Variants in LTBP1 observed in about 807,000 individuals in gnomAD.
The protein encoded by LTBP1 is latent-transforming growth factor beta-binding protein 1.
Under a neutral mutation model 207.6 loss-of-function variants are expected in LTBP1, and 129 were observed. The ratio of observed to expected loss-of-function variants is 0.62; its 90% CI spans 0.54 to 0.72. The LOEUF (loss-of-function observed/expected upper bound fraction) is 0.72. LTBP1 is among the 30% of genes least tolerant of loss of function. The pLI, the probability that LTBP1 is intolerant of heterozygous loss-of-function variation, is 0.00. For synonymous variants in LTBP1, 963 were observed against 833.7 expected (o/e 1.16, Z -2.67); for missense variants, 2,281 against 2,217.2 (o/e 1.03, Z -0.58).
Position 32,989,533 on chromosome 2 carries a change from G to A in LTBP1, c.566-31376G>A, listed in dbSNP as rs188676979. On this transcript the variant is annotated intron_variant, in intron 2 of 33. Coordinates refer to ENST00000404816, the MANE Select transcript of LTBP1 (RefSeq NM_206943.4). ...TCCAGTATATGCTTTACTCTGACCC[G>A]TGGATCAAATTCTACTTGGAATAGC... 3.3e-5 allele frequency among the ~76,000 whole-genome samples: 5 copies of A among 152,254 alleles called. No homozygotes were observed. The East Asian group carries it at 7.7e-4, about 24-fold the overall frequency.
chr2:33,331,171 G>T (rs1160186082), intron 24 of LTBP1, among the ~76,000 whole-genome samples: 1 of 151,578 alleles, frequency 6.6e-6, no homozygotes, highest in Non-Finnish European at 1.5e-5. Context: ...TCATTTCAAA[G>T]AAACAACTTA....
intron 5 of LTBP1, among the ~76,000 whole-genome samples, chr2:33,171,323 G>A (rs2085424373): frequency 2.9e-5 from 4 of 137,782 alleles, no homozygotes; most frequent in Admixed American, 1.5e-4. Context: ...AGGAGCTGAT[G>A]GAGCTGAAAG....
At chr2:33,012,624 A>G (rs2149115240) in intron 2 of LTBP1, among the ~76,000 whole-genome samples, 1 of 152,346 alleles carries the variant, frequency 6.6e-6, no homozygotes, top group African/African-American at 2.4e-5. Flanking sequence ...AGAGCAAGAA[A>G]TTTGTCTCCA....
In LTBP1 at chr2:33,242,079, T is replaced by A. The variant is rs114608286; in HGVS notation, c.1877-1583T>A. Reference sequence around the variant, plus strand: ...CATTTGAATGTCACGGAAGGTATCATATTTTATCACTGAAATTAACTTAAA... The same window carrying A: ...CATTTGAATGTCACGGAAGGTATCAAATTTTATCACTGAAATTAACTTAAA... On this transcript the variant is annotated intron_variant, in intron 9 of 33. Coordinates refer to ENST00000404816, the MANE Select transcript of LTBP1 (RefSeq NM_206943.4). Among the ~76,000 whole-genome samples the A allele has an allele frequency of 5.8e-3, 882 of 152,348 alleles. 11 individuals carry two copies. Among genetic ancestry groups the A allele is most frequent in the African/African-American group, 0.02 (849 of 41,586 alleles).
intron 15 of LTBP1, among the ~76,000 whole-genome samples, chr2:33,265,881 T>G (rs114313548): frequency 0.024 from 3,720 of 152,332 alleles, 73 homozygotes; most frequent in Non-Finnish European, 0.038. Context: ...AGGAGCTAAA[T>G]GGAAGAGTTT....
chr2:33,213,470 ACAGT>A (rs1158576012), intron 7 of LTBP1, among the ~76,000 whole-genome samples: 3 of 152,216 alleles, frequency 2.0e-5, no homozygotes, highest in Non-Finnish European at 4.4e-5. Context: ...GCAGAACCTA[ACAGT>A]CATAGACAAG....
intron 3 of LTBP1, among the ~76,000 whole-genome samples, chr2:33,039,540 T>C (rs2076084618): frequency 6.6e-6 from 1 of 152,224 alleles, no homozygotes; most frequent in Admixed American, 6.5e-5. Flanking sequence ...CTGCAGGGCA[T>C]TGCCAAATAT....
intron 3 of LTBP1, among the ~76,000 whole-genome samples, chr2:33,097,853 G>A (rs2079478831): frequency 6.6e-6 from 1 of 152,096 alleles, no homozygotes; most frequent in Non-Finnish European, 1.5e-5. Flanking sequence ...TTTATTGAAT[G>A]AATCTTCTGT....
chr2:33,102,403 C>T (rs1164830851), intron 3 of LTBP1, among the ~76,000 whole-genome samples: 1 of 151,960 alleles, frequency 6.6e-6, no homozygotes, highest in Non-Finnish European at 1.5e-5. Flanking sequence ...GCCAAGTGTC[C>T]CTGAGAAGCA....
intron 32 of LTBP1, among the ~76,000 whole-genome samples, chr2:33,392,059 A>C (rs1159167011): frequency 6.6e-6 from 1 of 152,188 alleles, no homozygotes; most frequent in African/African-American, 2.4e-5. Flanking sequence ...AGGCTGAGTG[A>C]GGTTTCTTAT....
intron 23 of LTBP1, among the ~76,000 whole-genome samples, chr2:33,313,516 C>G (rs1365234331): frequency 6.6e-6 from 1 of 152,174 alleles, no homozygotes; most frequent in African/African-American, 2.4e-5. Flanking sequence ...TACCTTTTCC[C>G]TGTCCTTATT....
In LTBP1 at chr2:33,286,862, A is replaced by G. The variant is rs557912670; in HGVS notation, c.3113-6298A>G. ...AACCAAACACCGCATGTTCTCACTC[A>G]TAGGTGGGAATTGAACAATGAGAAC... On this transcript the variant is annotated intron_variant, in intron 19 of 33. Transcript: ENST00000404816. Among the ~76,000 whole-genome samples the G allele has an allele frequency of 5.3e-5, 8 of 152,322 alleles. No individual in the cohort carries two copies. In the East Asian group the frequency reaches 1.5e-3, roughly 29 times the overall value.
intron 23 of LTBP1, among the ~76,000 whole-genome samples, chr2:33,310,544 A>G (rs1222777623): frequency 6.6e-6 from 1 of 152,200 alleles, no homozygotes; most frequent in Non-Finnish European, 1.5e-5. Flanking sequence ...TGAGTAACTG[A>G]GGCTCCGAGA....
chr2:33,337,268 T>G (rs893088439), intron 24 of LTBP1, among the ~76,000 whole-genome samples: 2 of 152,168 alleles, frequency 1.3e-5, no homozygotes, highest in African/African-American at 4.8e-5. Context: ...AGAAAATGTC[T>G]TAAGTAAAAA....
At chr2:33,074,386 C>G (rs1303418075) in intron 3 of LTBP1, among the ~76,000 whole-genome samples, 1 of 151,766 alleles carries the variant, frequency 6.6e-6, no homozygotes, top group Non-Finnish European at 1.5e-5. Context: ...GTTACTTTCT[C>G]TAGGCCCTGT....
chr2:33,203,151 T>A (rs1046023038), intron 7 of LTBP1, among the ~76,000 whole-genome samples: 1 of 152,234 alleles, frequency 6.6e-6, no homozygotes, highest in African/African-American at 2.4e-5. Context: ...AAGGTATCAC[T>A]GAAGGTGTCC....
intron 3 of LTBP1, among the ~76,000 whole-genome samples, chr2:33,081,851 T>C: frequency 6.6e-6 from 1 of 152,230 alleles, no homozygotes; most frequent in East Asian, 1.9e-4. Context: ...ATAAAGGGCT[T>C]TTCCCCTCTG....
At chr2:33,153,504 G>A (rs2083707296) in intron 5 of LTBP1, among the ~76,000 whole-genome samples, 1 of 152,088 alleles carries the variant, frequency 6.6e-6, no homozygotes. Flanking sequence ...GAGCCTGCAA[G>A]CCTTAGAATG....
chr2:32,982,218 T>G (rs1682869965), intron 2 of LTBP1, among the ~76,000 whole-genome samples: 1 of 152,142 alleles, frequency 6.6e-6, no homozygotes, highest in African/African-American at 2.4e-5. Context: ...GCAAAGGTGA[T>G]TCTTGTTACA....
Sources: gnomAD v4.1 joint callset for allele counts (sites outside exome capture counted in the v4.1 genomes callset) on GRCh38, gnomAD v4.1.1 for gene constraint, MANE v1.5 for transcripts, NCBI Gene and HGNC (gene_info 2026-07-23, HGNC 2026-07-21) for gene names.